LRP1B: variants seen among roughly 807,000 people sequenced by gnomAD.
LRP1B encodes LDL receptor related protein 1B.
In LRP1B, 217 loss-of-function variants were observed where a neutral mutation model predicts 556.6. The ratio of observed to expected loss-of-function variants is 0.39; its 90% CI spans 0.35 to 0.44. The LOEUF (loss-of-function observed/expected upper bound fraction) is 0.44, where lower values mean the gene tolerates loss of function less well. LRP1B is among the 20% of genes least tolerant of loss of function. The pLI, the probability that LRP1B is intolerant of heterozygous loss-of-function variation, is 1.00. For synonymous variants in LRP1B, 2,047 were observed against 1,865.8 expected (o/e 1.10, Z -2.50); for missense variants, 5,053 against 5,620.8 (o/e 0.90, Z 3.23).
At chr2:141,055,335 A>T (rs1699150020) in intron 9 of LRP1B, 76 bp from the exon 10 acceptor site, 1 of 1,490,914 alleles carries the variant, frequency 6.7e-7, no homozygotes, top group Admixed American at 2.1e-5. Context: ...GTATGTCAAA[A>T]TTTCTATAGT....
intron 83 of LRP1B, among the ~76,000 whole-genome samples, chr2:140,314,277 G>T (rs913124032): frequency 6.6e-6 from 1 of 151,926 alleles, no homozygotes; most frequent in Non-Finnish European, 1.5e-5. Context: ...ATGCATTGGG[G>T]TTATTTTTTC....
chr2:140,555,099 T>C (rs1041498868), intron 43 of LRP1B, among the ~76,000 whole-genome samples: 8 of 152,116 alleles, frequency 5.3e-5, no homozygotes, highest in Middle Eastern at 3.4e-3. Context: ...CCTGGATTTT[T>C]AATATTTTAG....
At chr2:140,484,956 A>T (rs1688406246) in intron 59 of LRP1B, among the ~76,000 whole-genome samples, 1 of 152,110 alleles carries the variant, frequency 6.6e-6, no homozygotes, top group African/African-American at 2.4e-5. Flanking sequence ...TGGTGCAGGG[A>T]TTACTTTGTC....
intron 3 of LRP1B, among the ~76,000 whole-genome samples, chr2:141,454,320 T>C (rs1168813995): frequency 1.3e-5 from 2 of 152,146 alleles, no homozygotes; most frequent in African/African-American, 2.4e-5. Flanking sequence ...TATTAAAGAA[T>C]AGAAATTGCA....
intron 89 of LRP1B, among the ~76,000 whole-genome samples, chr2:140,235,969 A>T (rs1171505404): frequency 4.6e-5 from 7 of 151,030 alleles, no homozygotes; most frequent in Admixed American, 4.0e-4. Flanking sequence ...ATCAATAGCA[A>T]TGTGTAAAAT....
chr2:140,408,941 T>A (rs1273229115), intron 66 of LRP1B, among the ~76,000 whole-genome samples: 2 of 152,006 alleles, frequency 1.3e-5, no homozygotes, highest in African/African-American at 4.8e-5. Flanking sequence ...AAGATAGTCC[T>A]ATGATAGAGG....
chr2:140,748,784 A>ATATATATG (rs1559094627), intron 35 of LRP1B, among the ~76,000 whole-genome samples: 2 of 43,066 alleles, frequency 4.6e-5, no homozygotes, highest in Non-Finnish European at 1.1e-4. Flanking sequence ...ATATGTATAT[A>ATATATATG]ATATATATTA....
At chr2:142,046,268 G>A (rs188238122) in intron 1 of LRP1B, among the ~76,000 whole-genome samples, 5 of 151,918 alleles carry the variant, frequency 3.3e-5, no homozygotes, top group African/African-American at 1.2e-4. Context: ...GAATGTCCAA[G>A]TAATGACAAA....
intron 3 of LRP1B, among the ~76,000 whole-genome samples, chr2:141,340,373 C>T (rs760178977): frequency 3.3e-5 from 5 of 152,164 alleles, no homozygotes; most frequent in East Asian, 1.9e-4. Context: ...AATTTCCTTG[C>T]TTTTCTTCAC....
intron 7 of LRP1B, among the ~76,000 whole-genome samples, chr2:141,076,078 G>A (rs1268629398): frequency 2.0e-5 from 3 of 152,170 alleles, no homozygotes; most frequent in African/African-American, 7.2e-5. Flanking sequence ...AAAAAAGTAA[G>A]GCAAAAGTTC....
chr2:140,594,333 A>G (rs963973398), intron 43 of LRP1B, among the ~76,000 whole-genome samples: 4 of 151,626 alleles, frequency 2.6e-5, no homozygotes, highest in African/African-American at 9.8e-5. Flanking sequence ...ACAAAGCTAC[A>G]TGCTGTTTTC....
intron 1 of LRP1B, among the ~76,000 whole-genome samples, chr2:141,898,839 T>C (rs1699533388): frequency 6.6e-6 from 1 of 152,156 alleles, no homozygotes. Context: ...AAGGGGTTTG[T>C]GATAACCACA....
At chr2:140,610,783 C>T (rs980243379) in intron 41 of LRP1B, among the ~76,000 whole-genome samples, 19 of 152,120 alleles carry the variant, frequency 1.2e-4, no homozygotes, top group African/African-American at 4.6e-4. Flanking sequence ...GACGGGATTT[C>T]GCAGTGTTAG....
intron 1 of LRP1B, among the ~76,000 whole-genome samples, chr2:142,024,848 T>C (rs1212853989): frequency 6.6e-6 from 1 of 152,096 alleles, no homozygotes; most frequent in Non-Finnish European, 1.5e-5. Flanking sequence ...AATACACATT[T>C]AGATAGTTCA....
At chr2:140,348,572 G>A (rs1432531836) in intron 77 of LRP1B, among the ~76,000 whole-genome samples, 1 of 151,862 alleles carries the variant, frequency 6.6e-6, no homozygotes, top group Non-Finnish European at 1.5e-5. Context: ...ATACAGAGGT[G>A]AAAACAAAAG....
intron 1 of LRP1B, among the ~76,000 whole-genome samples, chr2:142,071,871 G>A (rs1230260926): frequency 2.0e-5 from 3 of 151,906 alleles, no homozygotes; most frequent in Non-Finnish European, 2.9e-5. Flanking sequence ...GATGGCTCAA[G>A]AGACTGTTTA....
intron 1 of LRP1B, among the ~76,000 whole-genome samples, chr2:141,930,893 A>C (rs2104994170): frequency 6.6e-6 from 1 of 152,142 alleles, no homozygotes. Flanking sequence ...TTGATTTTCA[A>C]ACTACTTCTC....
rs543482892 is a variant in LRP1B at position 140,264,434 on chromosome 2, GGCCAGGCTAGTCTTGAACTATGTTA to G, written c.13247+5783_13247+5807del. On this transcript the variant is annotated intron_variant, in intron 86 of 90. Coordinates refer to ENST00000389484, the MANE Select transcript of LRP1B (RefSeq NM_018557.3). ...AGTGGGGATGGGGTTTCACCACGTTGGCCAGGCTAGTCTTGAACTATGTTAGCCAGGCTAATCTTCAACTACTAAC... is the reference window on the plus strand; with the variant it reads ...AGTGGGGATGGGGTTTCACCACGTTGGCCAGGCTAATCTTCAACTACTAAC... Among the ~76,000 whole-genome samples the G allele has an allele frequency of 2.9e-3, 436 of 152,110 alleles. 3 individuals carry two copies. The highest frequency in any genetic ancestry group is 9.8e-3 in the African/African-American group (407 of 41,512).
intron 7 of LRP1B, among the ~76,000 whole-genome samples, chr2:141,117,764 C>A (rs1700942904): frequency 6.6e-6 from 1 of 151,962 alleles, no homozygotes; most frequent in South Asian, 2.1e-4. Flanking sequence ...CCAAATCCTT[C>A]AAATCATGCA....
Sources: gnomAD v4.1 joint callset for allele counts (sites outside exome capture counted in the v4.1 genomes callset) on GRCh38, gnomAD v4.1.1 for gene constraint, MANE v1.5 for transcripts, NCBI Gene and HGNC (gene_info 2026-07-23, HGNC 2026-07-21) for gene names.